Variants in ZFAND3 observed in about 807,000 individuals in gnomAD.
ZFAND3 encodes AN1-type zinc finger protein 3.
ZFAND3 carries 10 observed loss-of-function variants against 29.6 expected under a neutral mutation model. The ratio of observed to expected loss-of-function variants is 0.34; its 90% confidence interval spans 0.21 to 0.57. The LOEUF (loss-of-function observed/expected upper bound fraction) is 0.57, where lower values mean the gene tolerates loss of function less well. ZFAND3 is among the 20% of genes least tolerant of loss of function. The pLI is 0.86. For missense variants in ZFAND3, 230 were observed against 304.5 expected (o/e 0.76, Z 1.82); for synonymous variants, 128 against 112.6 (o/e 1.14, Z -0.87).
rs182244291 is a variant in ZFAND3, at chr6:38,014,739, G to A, written c.113-46854G>A. On this transcript the variant is annotated intron_variant, in intron 2 of 5. Coordinates refer to ENST00000287218, the MANE Select transcript of ZFAND3 (RefSeq NM_021943.3). ...TGACTGAAATCCTCTTTCTCCTGGC[G>A]GATGGGATTGGCGGGTGGTCCTATT... Among the ~76,000 whole-genome samples, 14 of 152,204 alleles carry A rather than the reference G, an allele frequency of 9.2e-5. No individual in the cohort carries two copies. The East Asian group carries it at 1.5e-3, about 17-fold the overall frequency.
intron 2 of ZFAND3, among the ~76,000 whole-genome samples, chr6:37,981,547 G>A (rs1762579805): frequency 6.6e-6 from 1 of 152,024 alleles, no homozygotes; most frequent in South Asian, 2.1e-4. Flanking sequence ...TACTGTGGGA[G>A]GATCATGGAA....
Position 37,819,903 on chromosome 6 carries a change from C to T in ZFAND3, c.-43C>T, listed in dbSNP as rs1228593072. 13 of 1,187,506 alleles carry T rather than the reference C, an allele frequency of 1.1e-5. No homozygotes were observed. The highest frequency in any genetic ancestry group is 9.4e-6 in the Non-Finnish European group (9 of 960,884). The allele number at this position is 1,187,506 out of a possible 1,614,324, so 73.6% of individuals were successfully genotyped here. A position where few individuals can be genotyped will look rare whatever the true frequency, so the allele number is the denominator to read the frequency against. Reference sequence around the variant, plus strand: ...TCAGAGCGGGGCCCGGGCCCAGCCGCCGCCACCGCTGCCGCCGCCGAGCTC... The same window carrying T: ...TCAGAGCGGGGCCCGGGCCCAGCCGTCGCCACCGCTGCCGCCGCCGAGCTC... On this transcript the variant is annotated 5_prime_UTR_variant, in exon 1 of 6. Coordinates refer to ENST00000287218, the MANE Select transcript of ZFAND3 (RefSeq NM_021943.3).
At chr6:37,935,252 A>AT (rs1320728297) in intron 2 of ZFAND3, among the ~76,000 whole-genome samples, 1 of 152,172 alleles carries the variant, frequency 6.6e-6, no homozygotes, top group South Asian at 2.1e-4. Flanking sequence ...TTATCAATTG[A>AT]TTTTGCCACA....
At chr6:37,947,351 T>C in intron 2 of ZFAND3, among the ~76,000 whole-genome samples, 1 of 152,340 alleles carries the variant, frequency 6.6e-6, no homozygotes, top group Middle Eastern at 3.4e-3. Context: ...ATAACAGGCA[T>C]AATTTATATT....
intron 2 of ZFAND3, among the ~76,000 whole-genome samples, chr6:37,933,522 A>G (rs1761636396): frequency 6.6e-6 from 1 of 152,240 alleles, no homozygotes; most frequent in East Asian, 1.9e-4. Flanking sequence ...TTTAGAGGAA[A>G]GGAATAAGAA....
chr6:38,006,007 T>C (rs577045429), intron 2 of ZFAND3, among the ~76,000 whole-genome samples: 15 of 152,204 alleles, frequency 9.9e-5, no homozygotes, highest in Non-Finnish European at 1.9e-4. Context: ...TAAACACAGA[T>C]GAAGATAGAG....
intron 2 of ZFAND3, among the ~76,000 whole-genome samples, chr6:37,985,527 A>ACACACACCCCCC (rs753070737): frequency 4.9e-5 from 7 of 141,656 alleles, no homozygotes; most frequent in Non-Finnish European, 9.5e-5. Flanking sequence ...ACACACACAC[A>ACACACACCCCCC]CCCCCACACA....
intron 2 of ZFAND3, among the ~76,000 whole-genome samples, chr6:38,046,504 G>T (rs2127458255): frequency 6.6e-6 from 1 of 152,304 alleles, no homozygotes; most frequent in East Asian, 1.9e-4. Flanking sequence ...TGTCTTAAGT[G>T]AAATTTAGAC....
intron 4 of ZFAND3, among the ~76,000 whole-genome samples, chr6:38,099,072 G>A (rs1765041162): frequency 1.3e-5 from 2 of 151,984 alleles, no homozygotes; most frequent in South Asian, 4.2e-4. Flanking sequence ...ATTTCCTGAG[G>A]TCTCTAAGCT....
intron 1 of ZFAND3, among the ~76,000 whole-genome samples, chr6:37,886,715 C>T (rs1030883162): frequency 6.6e-6 from 1 of 152,186 alleles, no homozygotes; most frequent in African/African-American, 2.4e-5. Context: ...TATTAGTTGT[C>T]TGGACGTGGT....
At chr6:38,113,900 T>C (rs1335990939) in intron 4 of ZFAND3, among the ~76,000 whole-genome samples, 1 of 152,182 alleles carries the variant, frequency 6.6e-6, no homozygotes, top group East Asian at 1.9e-4. Context: ...TGTTTGACGG[T>C]TTGGGATAGA....
At chr6:37,828,234 C>T (rs1763794266) in intron 1 of ZFAND3, among the ~76,000 whole-genome samples, 2 of 152,134 alleles carry the variant, frequency 1.3e-5, no homozygotes, top group South Asian at 4.1e-4. Flanking sequence ...TGGTTTTATT[C>T]ATTTATTTTT....
chr6:38,022,359 A>G (rs1290379895), intron 2 of ZFAND3, among the ~76,000 whole-genome samples: 2 of 152,226 alleles, frequency 1.3e-5, no homozygotes, highest in South Asian at 2.1e-4. Flanking sequence ...AGGAAGCCTG[A>G]TCATGATTTT....
intron 1 of ZFAND3, among the ~76,000 whole-genome samples, chr6:37,876,878 T>A (rs1013123301): frequency 6.6e-6 from 1 of 152,216 alleles, no homozygotes. Flanking sequence ...GAGGTTATTT[T>A]CGATGTTTAG....
At chr6:37,879,556 A>C (rs1017584088) in intron 1 of ZFAND3, among the ~76,000 whole-genome samples, 1 of 152,176 alleles carries the variant, frequency 6.6e-6, no homozygotes, top group Non-Finnish European at 1.5e-5. Context: ...CTAGAACCCA[A>C]TTAAATGAGT....
chr6:37,904,633 A>G (rs1229123965), intron 1 of ZFAND3, among the ~76,000 whole-genome samples: 2 of 152,198 alleles, frequency 1.3e-5, no homozygotes, highest in Non-Finnish European at 2.9e-5. Context: ...CAAGAATTAT[A>G]TAATGACCTA....
chr6:38,041,192 TG>T (rs1763753021), intron 2 of ZFAND3, among the ~76,000 whole-genome samples: 1 of 152,232 alleles, frequency 6.6e-6, no homozygotes, highest in African/African-American at 2.4e-5. Flanking sequence ...ACAAAAGTAA[TG>T]TGTGTCTGTA....
At chr6:37,937,419 G>A (rs947270519) in intron 2 of ZFAND3, among the ~76,000 whole-genome samples, 1 of 152,092 alleles carries the variant, frequency 6.6e-6, no homozygotes, top group Admixed American at 6.5e-5. Context: ...CACTTTGGAA[G>A]GCTGAGGTGG....
chr6:37,830,857 A>G (rs930904799), intron 1 of ZFAND3, among the ~76,000 whole-genome samples: 3 of 152,202 alleles, frequency 2.0e-5, no homozygotes, highest in Non-Finnish European at 4.4e-5. Context: ...AAGATTTTAC[A>G]GTGAATACAT....
Sources: gnomAD v4.1 joint callset for allele counts (sites outside exome capture counted in the v4.1 genomes callset) on GRCh38, gnomAD v4.1.1 for gene constraint, MANE v1.5 for transcripts, NCBI Gene and HGNC (gene_info 2026-07-23, HGNC 2026-07-21) for gene names.